OPHN1: variants seen among roughly 807,000 people sequenced by gnomAD.
OPHN1 encodes the protein oligophrenin 1.
In OPHN1, 11 loss-of-function variants were observed where a neutral mutation model predicts 60.7. That is an observed-to-expected ratio of 0.18 (90% CI 0.11 to 0.30). The LOEUF is 0.30. Among genes scored for constraint, OPHN1 ranks in the 10% least tolerant of loss-of-function variants. The pLI, the probability that OPHN1 is intolerant of heterozygous loss-of-function variation, is 1.00. For synonymous variants in OPHN1, 226 were observed against 222.6 expected (o/e 1.02, Z -0.14); for missense variants, 449 against 611.0 (o/e 0.73, Z 2.80).
chrX:68,143,416 C>T (rs1360386907), intron 15 of OPHN1, among the ~76,000 whole-genome samples: 2 of 110,919 alleles, frequency 1.8e-5, no homozygotes, highest in East Asian at 5.7e-4. Flanking sequence ...GTTTTTGACA[C>T]CAAGAGACAA....
chrX:68,431,358 G>A (rs904305103), intron 2 of OPHN1, among the ~76,000 whole-genome samples: 1 of 112,245 alleles, frequency 8.9e-6, no homozygotes, highest in Non-Finnish European at 1.9e-5. Flanking sequence ...ACTCCACAGG[G>A]CAAATCAGAA....
intron 21 of OPHN1, among the ~76,000 whole-genome samples, chrX:68,056,143 T>G (rs1024786844): frequency 5.4e-5 from 6 of 111,282 alleles, no homozygotes; most frequent in African/African-American, 2.0e-4. Context: ...CAAGGTGATT[T>G]TAAGGACTCA....
At chrX:68,184,687 C>T (rs753078238) in intron 15 of OPHN1, among the ~76,000 whole-genome samples, 1 of 110,364 alleles carries the variant, frequency 9.1e-6, no homozygotes, top group Admixed American at 9.6e-5. Context: ...ACCTCCGCCT[C>T]CCAGGTTCAA....
chrX:68,053,867 A>G lies in OPHN1; in HGVS notation c.2159-57T>C, dbSNP rs909912095. Reference sequence around the variant, plus strand: ...TGGTTAGCCAAACAGAACACTACTCATGAGCAGGCACCCAATATGAGAGTT... The same window carrying G: ...TGGTTAGCCAAACAGAACACTACTCGTGAGCAGGCACCCAATATGAGAGTT... On this transcript the variant is annotated intron_variant, in intron 21 of 24. Coordinates refer to ENST00000355520, the MANE Select transcript of OPHN1 (RefSeq NM_002547.3). The G allele has an allele frequency of 6.1e-6, 7 of 1,145,948 alleles. No individual in the cohort carries two copies. The African/African-American group carries it at 1.1e-4, about 18-fold the overall frequency. The allele number at this position is 1,145,948 out of a possible 1,213,427, so 94.4% of individuals were successfully genotyped here.
At chrX:68,203,328 A>G (rs1024191639) in intron 10 of OPHN1, among the ~76,000 whole-genome samples, 4 of 111,655 alleles carry the variant, frequency 3.6e-5, no homozygotes, top group Non-Finnish European at 7.5e-5. Context: ...GGGAATAACA[A>G]AACCCACTGT....
intron 2 of OPHN1, among the ~76,000 whole-genome samples, chrX:68,417,571 C>T (rs908459527): frequency 2.7e-5 from 3 of 112,734 alleles, no homozygotes; most frequent in Non-Finnish European, 3.7e-5. Flanking sequence ...CTACTTATCA[C>T]CATTAAAAAA....
At position 68,064,132 on chromosome X, in the gene OPHN1, A is replaced by G; in HGVS notation, c.1880T>C (p.Ile627Thr). ...QTPNGTITSS[I>T]EPPKPPQHPK... is the part of the protein sequence containing the mutation. ...GTGTTGTGGTGGCTTGGGGGGTTCT[A>G]TGCTGCTGGTGATAGTACCATTCGG... is the stretch of plus-strand genomic sequence containing the variant. The change falls in exon 21 of 25, where the codon ATA becomes ACA. Residue 627 changes from isoleucine (I) to threonine (T), a missense_variant. By Grantham distance (89) the Ile-to-Thr change is moderately conservative. Around this residue, in one of 4 missense-constraint regions of OPHN1, gnomAD observed 184 missense variants for 160.5 expected, o/e 1.15. Coordinates refer to ENST00000355520, the MANE Select transcript of OPHN1 (RefSeq NM_002547.3). The G allele has an allele frequency of 8.3e-7, 1 of 1,211,004 alleles. No individual in the cohort carries two copies. Among genetic ancestry groups the G allele is most frequent in the Non-Finnish European group, 1.1e-6 (1 of 895,197 alleles).
intron 15 of OPHN1, among the ~76,000 whole-genome samples, chrX:68,189,882 G>A (rs2077480483): frequency 9.0e-6 from 1 of 110,675 alleles, no homozygotes; most frequent in Non-Finnish European, 1.9e-5. Flanking sequence ...ACAGTTACAA[G>A]TTATAGGAGA....
chrX:68,314,546 A>G (rs747556402), intron 2 of OPHN1, among the ~76,000 whole-genome samples: 1 of 110,944 alleles, frequency 9.0e-6, no homozygotes, highest in Non-Finnish European at 1.9e-5. Flanking sequence ...CCCAACCAAA[A>G]AAAATAAAAA....
intron 15 of OPHN1, among the ~76,000 whole-genome samples, chrX:68,125,960 T>TACACAC (rs111449909): frequency 2.6e-5 from 2 of 76,956 alleles, no homozygotes; most frequent in African/African-American, 9.6e-5. Context: ...TATATATACA[T>TACACAC]ACACACACAC....
intron 2 of OPHN1, among the ~76,000 whole-genome samples, chrX:68,346,771 T>TGAGTTTCTCA (rs1224240771): frequency 2.7e-5 from 3 of 112,194 alleles, no homozygotes; most frequent in Non-Finnish European, 5.6e-5. Context: ...AGCTGCTTTC[T>TGAGTTTCTCA]GCAAAGTGTG....
intron 2 of OPHN1, among the ~76,000 whole-genome samples, chrX:68,367,076 G>A (rs752232455): frequency 3.6e-5 from 4 of 110,933 alleles, no homozygotes; most frequent in Non-Finnish European, 5.7e-5. Context: ...AACACATGCA[G>A]AGGCCGGGGA....
chrX:68,276,832 A>C (rs774006591), intron 4 of OPHN1, among the ~76,000 whole-genome samples: 7 of 110,919 alleles, frequency 6.3e-5, no homozygotes, highest in Non-Finnish European at 1.3e-4. Context: ...GAGACAGTAC[A>C]TAAGAAGTTT....
intron 2 of OPHN1, among the ~76,000 whole-genome samples, chrX:68,359,624 A>G (rs1030149012): frequency 3.6e-5 from 4 of 110,246 alleles, no homozygotes; most frequent in African/African-American, 1.3e-4. Flanking sequence ...TGGGAGATCA[A>G]GGTGGGCGGA....
intron 2 of OPHN1, among the ~76,000 whole-genome samples, chrX:68,395,017 G>C (rs955053282): frequency 9.1e-6 from 1 of 110,127 alleles, no homozygotes; most frequent in Non-Finnish European, 1.9e-5. Flanking sequence ...GTACAGTGGC[G>C]TGATCTCAGC....
chrX:68,292,049 G>A (rs1415222201), intron 3 of OPHN1, among the ~76,000 whole-genome samples: 1 of 111,495 alleles, frequency 9.0e-6, no homozygotes, highest in Non-Finnish European at 1.9e-5. Flanking sequence ...CTTAGAGAAC[G>A]ATCAATGTTC....
chrX:68,299,208 T>C, intron 2 of OPHN1, 112 bp from the exon 3 acceptor site: 2 of 464,188 alleles, frequency 4.3e-6, no homozygotes, highest in South Asian at 2.5e-5. Context: ...TCTGAGCAGG[T>C]TGCAACTAGC....
chrX:68,194,921 T>C (rs779891448), intron 12 of OPHN1, among the ~76,000 whole-genome samples: 313 of 102,012 alleles, frequency 3.1e-3, no homozygotes, highest in Middle Eastern at 5.4e-3. Flanking sequence ...TGAGCTGAGA[T>C]CACACCACTG....
chrX:68,158,907 C>G (rs1218939151), intron 15 of OPHN1, among the ~76,000 whole-genome samples: 1 of 111,785 alleles, frequency 8.9e-6, no homozygotes, highest in Non-Finnish European at 1.9e-5. Flanking sequence ...ATACTAGGCC[C>G]CAATCAGCCC....
Sources: allele counts gnomAD v4.1 joint callset (sites outside exome capture counted in the v4.1 genomes callset), GRCh38; gene constraint gnomAD v4.1.1; regional missense constraint gnomAD v4.1.1; transcripts MANE v1.5; gene names NCBI Gene and HGNC (gene_info 2026-07-23, HGNC 2026-07-21).